The following CTNNA2 variants were observed in gnomAD, a reference collection of about 807,000 sequenced individuals.
CTNNA2 encodes the protein catenin alpha-2.
A neutral mutation model predicts 101.0 loss-of-function variants in CTNNA2; 42 were observed. That is an observed-to-expected ratio of 0.42 (90% CI 0.32 to 0.54). The LOEUF (loss-of-function observed/expected upper bound fraction) is 0.54. Ranked by LOEUF, CTNNA2 falls within the 20% of genes least tolerant of loss-of-function variation. The pLI, the probability that CTNNA2 is intolerant of heterozygous loss-of-function variation, is 0.14. For missense variants in CTNNA2, 871 were observed against 1,223.1 expected (o/e 0.71, Z 4.29); for synonymous variants, 450 against 456.4 (o/e 0.99, Z 0.18).
intron 4 of CTNNA2, among the ~76,000 whole-genome samples, chr2:79,409,896 T>G (rs1474485558): frequency 2.0e-5 from 3 of 152,084 alleles, no homozygotes; most frequent in Non-Finnish European, 4.4e-5. Flanking sequence ...TTGGGCAGTA[T>G]GGCCATTGTC....
At chr2:80,352,448 C>T (rs537239602) in intron 7 of CTNNA2, among the ~76,000 whole-genome samples, 3 of 152,242 alleles carry the variant, frequency 2.0e-5, no homozygotes, top group Admixed American at 6.5e-5. Context: ...TAAATGTAAA[C>T]TCAACTATAG....
intron 3 of CTNNA2, among the ~76,000 whole-genome samples, chr2:79,750,999 A>C (rs1226176464): frequency 1.3e-5 from 2 of 152,196 alleles, no homozygotes; most frequent in East Asian, 3.8e-4. Flanking sequence ...CTGCAGGTAC[A>C]CAGGAATATG....
chr2:79,575,675 T>C (rs1156930514), intron 1 of CTNNA2: 1 of 152,218 alleles, frequency 6.6e-6, no homozygotes, highest in African/African-American at 2.4e-5. Context: ...GACTTGCTGC[T>C]GCACATCGCA....
intron 3 of CTNNA2, among the ~76,000 whole-genome samples, chr2:79,778,538 G>A (rs572148308): frequency 3.3e-5 from 5 of 151,934 alleles, no homozygotes; most frequent in African/African-American, 7.3e-5. Context: ...GTATATATGG[G>A]TATATGCAGT....
chr2:79,488,027 A>G (rs1346372570), intron 4 of CTNNA2, among the ~76,000 whole-genome samples: 2 of 152,102 alleles, frequency 1.3e-5, no homozygotes, highest in Non-Finnish European at 2.9e-5. Flanking sequence ...TTTAAAGTGA[A>G]AAATCTGGGA....
intron 9 of CTNNA2, among the ~76,000 whole-genome samples, chr2:80,507,086 TG>T (rs1573070565): frequency 6.6e-6 from 1 of 152,290 alleles, no homozygotes; most frequent in South Asian, 2.1e-4. Context: ...CTCCAAGAGT[TG>T]GAATCCTGAA....
chr2:79,212,174 C>T (rs1674183675), intron 2 of CTNNA2, among the ~76,000 whole-genome samples: 1 of 152,026 alleles, frequency 6.6e-6, no homozygotes, highest in South Asian at 2.1e-4. Flanking sequence ...GGGATAGCAC[C>T]AGGAGATATC....
chr2:80,638,231 G>C (rs533394482), intron 18 of CTNNA2, among the ~76,000 whole-genome samples: 131 of 152,274 alleles, frequency 8.6e-4, no homozygotes, highest in African/African-American at 3.1e-3. Flanking sequence ...GTCAAGACAT[G>C]CTGATGCACA....
chr2:79,500,848 G>A (rs563431658), intron 4 of CTNNA2: 56 of 152,276 alleles, frequency 3.7e-4, no homozygotes, highest in African/African-American at 1.0e-3. Context: ...GGCCTTCTTC[G>A]TCATGGTTTC....
intron 7 of CTNNA2, among the ~76,000 whole-genome samples, chr2:80,041,693 G>C (rs533908329): frequency 1.3e-5 from 2 of 152,222 alleles, no homozygotes; most frequent in South Asian, 4.1e-4. Flanking sequence ...TTATAGAATG[G>C]ATAATACATA....
intron 7 of CTNNA2, among the ~76,000 whole-genome samples, chr2:80,061,108 C>G: frequency 6.6e-6 from 1 of 152,150 alleles, no homozygotes; most frequent in East Asian, 1.9e-4. Context: ...ATGTAAACCT[C>G]TATTTCAGAG....
chr2:80,619,672 T>G (rs925107686), intron 18 of CTNNA2, among the ~76,000 whole-genome samples: 1 of 151,910 alleles, frequency 6.6e-6, no homozygotes, highest in Non-Finnish European at 1.5e-5. Context: ...GGTTAAAATG[T>G]GCATGAGGAT....
chr2:80,532,416 T>C (rs945846907), intron 9 of CTNNA2, among the ~76,000 whole-genome samples: 5 of 152,216 alleles, frequency 3.3e-5, no homozygotes, highest in Non-Finnish European at 7.3e-5. Context: ...CCTTCGTCAC[T>C]TAGTATCCTT....
At chr2:79,841,295 A>G (rs1264840178) in intron 3 of CTNNA2, among the ~76,000 whole-genome samples, 2 of 152,192 alleles carry the variant, frequency 1.3e-5, no homozygotes, top group African/African-American at 2.4e-5. Flanking sequence ...CAGAGACAAA[A>G]TACAATTATT....
rs1435865746 is a variant in CTNNA2 at position 80,648,562 on chromosome 2, A to AGC, written c.*691_*692dup. 1 of 152,402 alleles carries AGC rather than the reference A, an allele frequency of 6.6e-6. No homozygotes were observed. Among genetic ancestry groups the AGC allele is most frequent in the Admixed American group, 6.6e-5 (1 of 15,218 alleles). 9.4% of individuals were successfully genotyped at this position (152,402 alleles called of 1,614,324 possible). A position where few individuals can be genotyped will look rare whatever the true frequency, so the allele number is the denominator to read the frequency against. On this transcript the variant is annotated 3_prime_UTR_variant, in exon 19 of 19. Coordinates refer to ENST00000402739, the MANE Select transcript of CTNNA2 (RefSeq NM_001282597.3). Reference sequence around the variant, plus strand: ...TTAAAATCCTTCTGGGGGCACTGGAAGCACAATACGGTGACCAATCTTGCT... The same window carrying AGC: ...TTAAAATCCTTCTGGGGGCACTGGAAGCGCACAATACGGTGACCAATCTTGCT...
At chr2:79,430,382 T>A (rs1678647026) in intron 4 of CTNNA2, among the ~76,000 whole-genome samples, 1 of 152,112 alleles carries the variant, frequency 6.6e-6, no homozygotes, top group African/African-American at 2.4e-5. Flanking sequence ...GCTGGAGGAA[T>A]CCCAGACAGT....
rs114173770 is a variant in CTNNA2 at position 80,215,369 on chromosome 2, T to G, written c.1057-177842T>G. Among the ~76,000 whole-genome samples the G allele has an allele frequency of 4.4e-3, 672 of 152,328 alleles. 6 individuals carry two copies. The highest frequency in any genetic ancestry group is 0.015 in the African/African-American group (636 of 41,564). ...TGATTTTTAGAACTTTCAGCTTTTC[T>G]GCTCTATCCCTATCTTTGTGGTTTT... On this transcript the variant is annotated intron_variant, in intron 7 of 18. Transcript: ENST00000402739.
At position 79,651,514 on chromosome 2, in the gene CTNNA2, A is replaced by G. The variant is rs1487629869; in HGVS notation, c.-5-38A>G. The G allele has an allele frequency of 8.3e-6, 13 of 1,558,832 alleles. No homozygotes were observed. The Admixed American group carries it at 2.2e-4, about 26-fold the overall frequency. On this transcript the variant is annotated intron_variant, in intron 1 of 18. Transcript: ENST00000402739. ...TCACCAAAGTTACAATTTATTTCAA[A>G]GATGATTATTTCTAACTGATTACAT...
At chr2:80,232,739 G>A (rs1387253028) in intron 7 of CTNNA2, among the ~76,000 whole-genome samples, 2 of 152,022 alleles carry the variant, frequency 1.3e-5, no homozygotes, top group African/African-American at 4.8e-5. Context: ...CATGAGGAAT[G>A]GCCCCTACCT....
Sources: gnomAD v4.1 joint callset for allele counts (sites outside exome capture counted in the v4.1 genomes callset) on GRCh38, gnomAD v4.1.1 for gene constraint, MANE v1.5 for transcripts, NCBI Gene and HGNC (gene_info 2026-07-23, HGNC 2026-07-21) for gene names.